Variants in CDHR2 observed in about 807,000 individuals in gnomAD.
The protein encoded by CDHR2 is cadherin related family member 2, also known as cadherin-related family member 2.
Under a neutral mutation model 138.6 loss-of-function variants are expected in CDHR2, and 104 were observed. That is an observed-to-expected ratio of 0.75 (90% CI 0.64 to 0.88). The LOEUF is 0.88. Ranked by LOEUF, CDHR2 falls within the 40% of genes least tolerant of loss-of-function variation. The pLI, the probability that CDHR2 is intolerant of heterozygous loss-of-function variation, is 0.00. For missense variants in CDHR2, 1,624 were observed against 1,727.6 expected (o/e 0.94, Z 1.06); for synonymous variants, 755 against 742.8 (o/e 1.02, Z -0.27).
intron 5 of CDHR2, among the ~76,000 whole-genome samples, chr5:176,569,711 C>G (rs1758177856): frequency 6.6e-6 from 1 of 152,102 alleles, no homozygotes; most frequent in South Asian, 2.1e-4. Flanking sequence ...TCTTATTTCC[C>G]ACTTTGGGAG....
intron 17 of CDHR2, 96 bp from the exon 18 acceptor site, chr5:176,584,094 T>C (rs1441353867): frequency 2.0e-6 from 2 of 1,020,384 alleles, no homozygotes; most frequent in East Asian, 2.4e-5. Context: ...ACTAGTAGAG[T>C]CCATGCCTTG....
chr5:176,588,499 G>A (rs916980192), intron 21 of CDHR2, among the ~76,000 whole-genome samples: 4 of 133,080 alleles, frequency 3.0e-5, no homozygotes, highest in Admixed American at 1.4e-4. Context: ...GTGTGTGAGG[G>A]TGTGTATGAG....
At position 176,590,250 on chromosome 5, in the gene CDHR2, C is replaced by A. The variant is rs773515689; in HGVS notation, c.3276-3C>A. The A allele has an allele frequency of 8.1e-6, 13 of 1,614,022 alleles. No individual in the cohort carries two copies. Among genetic ancestry groups the A allele is most frequent in the Non-Finnish European group, 1.0e-5 (12 of 1,180,028 alleles). On this transcript the variant is annotated splice_polypyrimidine_tract_variant and splice_region_variant and intron_variant, in intron 25 of 31. Coordinates refer to ENST00000261944, the MANE Select transcript of CDHR2 (RefSeq NM_017675.6). Reference sequence around the variant, plus strand: ...CTGACTCTTCAACTCTGTCCCGCTCCAGGGCCCGACCTCACTCCTACCTCG... The same window carrying A: ...CTGACTCTTCAACTCTGTCCCGCTCAAGGGCCCGACCTCACTCCTACCTCG...
chr5:176,585,580 G>T (rs1758638987), intron 19 of CDHR2, among the ~76,000 whole-genome samples: 1 of 152,164 alleles, frequency 6.6e-6, no homozygotes, highest in Non-Finnish European at 1.5e-5. Context: ...TAATGTCATA[G>T]GTGAGATCTA....
intron 1 of CDHR2, among the ~76,000 whole-genome samples, chr5:176,561,257 G>C (rs6888203): frequency 0.94 from 143,752 of 152,172 alleles, 68,403 homozygotes; most frequent in East Asian, 1. Context: ...ACTTGCCCAA[G>C]GTTATGCTGG....
rs1214620995 is a variant in CDHR2, at chr5:176,586,124, G to A, written c.2806+99G>A. 1.6e-5 allele frequency: 14 copies of A among 881,460 alleles called. No homozygotes were observed. In the East Asian group the frequency reaches 2.9e-4, roughly 18 times the overall value. 54.6% of individuals were successfully genotyped at this position (881,460 alleles called of 1,614,324 possible). A position where few individuals can be genotyped will look rare whatever the true frequency, so the allele number is the denominator to read the frequency against. On this transcript the variant is annotated intron_variant, in intron 20 of 31. Coordinates refer to ENST00000261944, the MANE Select transcript of CDHR2 (RefSeq NM_017675.6). ...CCTTGGACCCCAGGGGGAGCCTTTA[G>A]AAAGGGGGGAAGGCCTCTAATCCTG...
chr5:176,577,865 AGTGT>A (rs35146200), intron 14 of CDHR2, 67 bp downstream of exon 14: 6 of 1,149,480 alleles, frequency 5.2e-6, no homozygotes, highest in South Asian at 4.4e-5. Flanking sequence ...TGAGTGTGAG[AGTGT>A]GTGTGTGTGT....
chr5:176,551,183 T>G (rs1398780692), intron 1 of CDHR2, among the ~76,000 whole-genome samples: 1 of 152,118 alleles, frequency 6.6e-6, no homozygotes, highest in Non-Finnish European at 1.5e-5. Context: ...TAATTTTTTT[T>G]TGTGAGATGG....
intron 31 of CDHR2, 78 bp from the exon 32 acceptor site, chr5:176,595,454 C>A: frequency 7.0e-7 from 1 of 1,421,596 alleles, no homozygotes; most frequent in East Asian, 2.6e-5. Flanking sequence ...GAGCTTGAAG[C>A]CCATCCACTC....
At chr5:176,592,631 ATGGTGATGG>A (rs1758917675) in intron 30 of CDHR2, 83 bp from the exon 31 acceptor site, 3 of 960,078 alleles carry the variant, frequency 3.1e-6, no homozygotes, top group South Asian at 1.3e-5. Flanking sequence ...AGTCGTGGTG[ATGGTGATGG>A]TGGTGATGGA....
rs1158887802 is a variant in CDHR2, at chr5:176,543,510, G to C, written c.-16+741G>C. On this transcript the variant is annotated intron_variant, in intron 1 of 31. Transcript: ENST00000510636. The surrounding 1 kb of genome is among the most constrained non-coding windows in gnomAD (Gnocchi z 4.0). Reference sequence around the variant, plus strand: ...TGGACCGCACCACGCGTGCGGGGCGGAGCCTCTTTCGGCCGCGCCCGCCCA... The same window carrying C: ...TGGACCGCACCACGCGTGCGGGGCGCAGCCTCTTTCGGCCGCGCCCGCCCA... 1.3e-5 allele frequency: 2 copies of C among 152,102 alleles called. No homozygotes were observed. The highest frequency in any genetic ancestry group is 6.5e-5 in the Admixed American group (1 of 15,278). The allele number at this position is 152,102 out of a possible 1,614,324, so 9.4% of individuals were successfully genotyped here.
At chr5:176,582,889 G>T (rs929649165) in intron 17 of CDHR2, among the ~76,000 whole-genome samples, 12 of 152,286 alleles carry the variant, frequency 7.9e-5, no homozygotes, top group South Asian at 6.2e-4. Flanking sequence ...AGCCCACAAG[G>T]CACCTTCCTC....
At chr5:176,554,530 G>A (rs1329371667) in intron 1 of CDHR2, among the ~76,000 whole-genome samples, 1 of 152,248 alleles carries the variant, frequency 6.6e-6, no homozygotes, top group East Asian at 1.9e-4. Context: ...GCAGTGAACT[G>A]CCCAGCGAAG....
chr5:176,557,716 T>TCTTC (rs1561866781), intron 1 of CDHR2, among the ~76,000 whole-genome samples: 14 of 149,370 alleles, frequency 9.4e-5, no homozygotes, highest in African/African-American at 3.3e-4. Flanking sequence ...CTTTCTTTTT[T>TCTTC]TTTTATTTTG....
upstream of CDHR2, among the ~76,000 whole-genome samples, chr5:176,544,371 TTTCCTTTTTTTC>T (rs1561861539): frequency 7.6e-5 from 1 of 13,220 alleles, no homozygotes; most frequent in African/African-American, 8.4e-5. Flanking sequence ...TCTTTCTTTC[TTTCCTTTTTTTC>T]TTCCTTTTTT....
At chr5:176,556,161 G>A (rs1018217847) in intron 1 of CDHR2, among the ~76,000 whole-genome samples, 3 of 152,096 alleles carry the variant, frequency 2.0e-5, no homozygotes, top group Non-Finnish European at 2.9e-5. Flanking sequence ...TGGGACTCCC[G>A]CATAACAGTG....
chr5:176,574,256 G>T lies in CDHR2; in HGVS notation c.495+84G>T, dbSNP rs145393076. ...GACAACCCACAGGGCCTGAACGTTG[G>T]GGTGGGGACATTGGTCCTGCCTTGG... On this transcript the variant is annotated intron_variant, in intron 7 of 31. Coordinates refer to ENST00000261944, the MANE Select transcript of CDHR2 (RefSeq NM_017675.6). The T allele has an allele frequency of 4.5e-3, 4,678 of 1,037,170 alleles. 19 individuals are homozygous for T. Among genetic ancestry groups the T allele is most frequent in the Non-Finnish European group, 6.2e-3 (4,191 of 671,214 alleles). 64.2% of individuals were successfully genotyped at this position (1,037,170 alleles called of 1,614,324 possible).
At chr5:176,544,400 T>C (rs1251366839), upstream of CDHR2, among the ~76,000 whole-genome samples, 3 of 151,714 alleles carry the variant, frequency 2.0e-5, no homozygotes, top group African/African-American at 7.3e-5. Flanking sequence ...TTTTTCTTTC[T>C]TCTATTTCCT....
chr5:176,581,297 C>T, intron 16 of CDHR2, 46 bp from the exon 17 acceptor site: 1 of 1,603,820 alleles, frequency 6.2e-7, no homozygotes, highest in Non-Finnish European at 8.5e-7. Context: ...GGGCTGGGGG[C>T]TGGGAATGCC....
Sources: allele counts gnomAD v4.1 joint callset (sites outside exome capture counted in the v4.1 genomes callset), GRCh38; gene constraint gnomAD v4.1.1; non-coding constraint Gnocchi (gnomAD v3.1); transcripts MANE v1.5; gene names NCBI Gene and HGNC (gene_info 2026-07-23, HGNC 2026-07-21).